The following CDH23 variants were observed in gnomAD, a reference collection of about 807,000 sequenced individuals.
The protein encoded by CDH23 is cadherin-23.
A neutral mutation model predicts 317.1 loss-of-function variants in CDH23; 189 were observed. That is an observed-to-expected ratio of 0.60 (90% CI 0.53 to 0.67). The LOEUF (loss-of-function observed/expected upper bound fraction) is 0.67. CDH23 is among the 30% of genes least tolerant of loss of function. CDH23 has a pLI of 0.00. For missense variants in CDH23, 4,401 were observed against 4,592.4 expected (o/e 0.96, Z 1.20); for synonymous variants, 1,839 against 1,876.8 (o/e 0.98, Z 0.52).
chr10:71,602,169 G>A (rs967060084), intron 9 of CDH23, among the ~76,000 whole-genome samples: 4 of 147,494 alleles, frequency 2.7e-5, no homozygotes, highest in African/African-American at 9.8e-5. Flanking sequence ...TGTGTGATGG[G>A]TTCTCCTTCC....
intron 14 of CDH23, among the ~76,000 whole-genome samples, chr10:71,649,985 C>T (rs528901814): frequency 6.7e-4 from 102 of 152,336 alleles, no homozygotes; most frequent in Non-Finnish European, 1.3e-3. Context: ...CTCTTAACCA[C>T]GAGGCCACCC....
intron 24 of CDH23, among the ~76,000 whole-genome samples, chr10:71,704,675 C>T (rs995976449): frequency 2.6e-5 from 4 of 152,138 alleles, no homozygotes; most frequent in Admixed American, 2.6e-4. Flanking sequence ...CCTCTGCCAC[C>T]CCATCACCGG....
intron 22 of CDH23, among the ~76,000 whole-genome samples, chr10:71,699,625 C>G (rs944566121): frequency 6.6e-6 from 1 of 152,188 alleles, no homozygotes; most frequent in South Asian, 2.1e-4. Context: ...CCTTCAAGGA[C>G]CTGGCTGATG....
intron 20 of CDH23, among the ~76,000 whole-genome samples, chr10:71,692,787 C>T (rs779331274): frequency 1.3e-5 from 2 of 152,176 alleles, no homozygotes; most frequent in African/African-American, 2.4e-5. Context: ...AGAAGTTAAG[C>T]GACTTGGCCC....
chr10:71,572,346 G>C (rs932782122), intron 8 of CDH23, among the ~76,000 whole-genome samples: 1 of 152,120 alleles, frequency 6.6e-6, no homozygotes, highest in Non-Finnish European at 1.5e-5. Flanking sequence ...CAGCTGTGAC[G>C]TGCTGTTTTC....
intron 38 of CDH23, among the ~76,000 whole-genome samples, chr10:71,767,659 G>A (rs1333901143): frequency 6.6e-6 from 1 of 152,242 alleles, no homozygotes; most frequent in Non-Finnish European, 1.5e-5. Context: ...GGGCTGCCAA[G>A]GCTAAGAAAG....
At chr10:71,420,522 A>G (rs111392984) in intron 1 of CDH23, among the ~76,000 whole-genome samples, 1 of 11,134 alleles carries the variant, frequency 9.0e-5, no homozygotes, top group Non-Finnish European at 1.6e-4. Flanking sequence ...ATGATGGTGA[A>G]GGTGATGATG....
intron 11 of CDH23, among the ~76,000 whole-genome samples, chr10:71,640,346 T>C (rs1425255387): frequency 6.6e-6 from 1 of 152,240 alleles, no homozygotes; most frequent in Non-Finnish European, 1.5e-5. Context: ...TGCTTATACC[T>C]TACAGGCCAA....
At chr10:71,473,207 A>G (rs1216882757) in intron 3 of CDH23, among the ~76,000 whole-genome samples, 2 of 152,186 alleles carry the variant, frequency 1.3e-5, no homozygotes, top group Non-Finnish European at 2.9e-5. Context: ...AGTCTTCCCT[A>G]CTGGAGAGGC....
At chr10:71,601,144 T>C (rs1423620591) in intron 9 of CDH23, among the ~76,000 whole-genome samples, 1 of 152,216 alleles carries the variant, frequency 6.6e-6, no homozygotes, top group African/African-American at 2.4e-5. Flanking sequence ...AAACTGGGCC[T>C]GGCACAATCT....
At chr10:71,632,373 A>G (rs569603633) in intron 11 of CDH23, among the ~76,000 whole-genome samples, 1 of 152,228 alleles carries the variant, frequency 6.6e-6, no homozygotes, top group Non-Finnish European at 1.5e-5. Flanking sequence ...TCAGCAGGCA[A>G]TTGGGAGCCA....
At chr10:71,492,947 C>T (rs944508088) in intron 3 of CDH23, among the ~76,000 whole-genome samples, 5 of 152,176 alleles carry the variant, frequency 3.3e-5, no homozygotes, top group African/African-American at 1.2e-4. Context: ...AGAAGTGGGG[C>T]AACTTGCCTA....
intron 30 of CDH23, among the ~76,000 whole-genome samples, chr10:71,729,221 G>A (rs998667789): frequency 2.0e-5 from 3 of 152,216 alleles, no homozygotes; most frequent in African/African-American, 7.2e-5. Context: ...AAGCGGTGAG[G>A]AAAATGGTGC....
intron 2 of CDH23, among the ~76,000 whole-genome samples, chr10:71,444,795 G>C (rs1230193691): frequency 6.6e-6 from 1 of 152,196 alleles, no homozygotes; most frequent in Middle Eastern, 3.2e-3. Context: ...CGGGTCAGCA[G>C]AAAGGAAGGG....
chr10:71,626,719 C>T (rs1861752694), intron 11 of CDH23, among the ~76,000 whole-genome samples: 3 of 152,170 alleles, frequency 2.0e-5, no homozygotes, highest in Admixed American at 1.3e-4. Context: ...GCCAGCATCC[C>T]GTGGGGCAGA....
chr10:71,643,957 C>T (rs1377091853), intron 12 of CDH23, 91 bp downstream of exon 12: 15 of 738,346 alleles, frequency 2.0e-5, no homozygotes, highest in Non-Finnish European at 3.0e-5. Context: ...CACAGCTCAG[C>T]CCTCCCCCAC....
chr10:71,405,838 G>A (rs1848071547), intron 1 of CDH23, among the ~76,000 whole-genome samples: 2 of 152,174 alleles, frequency 1.3e-5, no homozygotes, highest in Admixed American at 6.5e-5. Context: ...CACATCTACT[G>A]TTGGGGAGGC....
rs2132705986 is a variant in CDH23, at chr10:71,690,576, C to T, written c.2168C>T (p.Ala723Val). 6.3e-7 allele frequency: 1 copy of T among 1,596,340 alleles called. No individual in the cohort carries two copies. The highest frequency in any genetic ancestry group is 8.5e-7 in the Non-Finnish European group (1 of 1,170,798). ...LEGSTQFRINARSGEITTTSL... is the reference protein window; with the variant it reads ...LEGSTQFRINVRSGEITTTSL... ...GGCTCCACCCAGTTTCGGATCAATG[C>T]CCGCTCAGGTGAGCCCCCCCACCCC... The change falls in exon 20 of 70, where the codon GCC (alanine) becomes GTC (valine). Residue 723 changes from alanine to valine, a missense_variant. Physicochemically the swap from Ala to Val is moderately conservative, Grantham distance 64. Coordinates refer to ENST00000224721, the MANE Select transcript of CDH23 (RefSeq NM_022124.6).
chr10:71,601,867 A>T (rs753020429), intron 9 of CDH23, among the ~76,000 whole-genome samples: 7 of 151,410 alleles, frequency 4.6e-5, no homozygotes, highest in Non-Finnish European at 7.4e-5. Context: ...AAGTGAAGTG[A>T]CTGGCCCAGG....
Sources: allele counts gnomAD v4.1 joint callset (sites outside exome capture counted in the v4.1 genomes callset), GRCh38; gene constraint gnomAD v4.1.1; transcripts MANE v1.5; gene names NCBI Gene and HGNC (gene_info 2026-07-23, HGNC 2026-07-21).